Variants in TRMT2B observed in about 807,000 individuals in gnomAD.
TRMT2B encodes the protein tRNA (uracil-5-)-methyltransferase homolog B.
In TRMT2B, 34 loss-of-function variants were observed where a neutral mutation model predicts 39.7. The observed-to-expected ratio is 0.86, with a 90% CI of 0.65 to 1.14. The LOEUF is 1.14. TRMT2B is among the 50% of genes most tolerant of loss of function. The probability of loss-of-function intolerance (pLI) is 0.00; values close to 1 mark genes in which losing one functional copy is unlikely to be tolerated. For synonymous variants in TRMT2B, 132 were observed against 137.3 expected, an observed-to-expected ratio of 0.96 and a Z score of 0.27; for missense variants, 318 against 377.2, an observed-to-expected ratio of 0.84 and a Z score of 1.30.
intron 10 of TRMT2B, 47 bp downstream of exon 10, chrX:101,021,054 C>G (rs750405575): frequency 8.7e-7 from 1 of 1,149,434 alleles, no homozygotes; most frequent in Non-Finnish European, 1.2e-6. Context: ...CTACAAGGGC[C>G]TTGGGAGCTG....
intron 5 of TRMT2B, 40 bp downstream of exon 5, chrX:101,037,877 G>A: frequency 8.5e-7 from 1 of 1,180,734 alleles, no homozygotes; most frequent in East Asian, 3.0e-5. Context: ...TTAGCATTAA[G>A]GGGCCTTAAT....
chrX:100,995,167 C>T, the TRMT2B span, among the ~76,000 whole-genome samples: 1 of 111,430 alleles, frequency 9.0e-6, no homozygotes, highest in South Asian at 3.8e-4. Context: ...TATTGGAAGA[C>T]CAAAACTTAA....
intron 10 of TRMT2B, among the ~76,000 whole-genome samples, 175 bp from the exon 11 acceptor site, chrX:101,020,763 G>A (rs973094379): frequency 1.8e-5 from 2 of 111,776 alleles, no homozygotes; most frequent in Admixed American, 9.6e-5. Flanking sequence ...TCGACCTCCC[G>A]GGCTAAAGCA....
At chrX:100,986,802 A>G in the TRMT2B span, 23 of 1,190,824 alleles carry the variant, frequency 1.9e-5, no homozygotes, top group Non-Finnish European at 2.6e-5. Flanking sequence ...TTAGTTTAGC[A>G]AACAAACAAG....
chrX:100,994,216 TTC>T, the TRMT2B span, among the ~76,000 whole-genome samples: 1 of 111,988 alleles, frequency 8.9e-6, no homozygotes, highest in African/African-American at 3.2e-5. Context: ...ACAAATCTCT[TTC>T]TCAGTGGGGC....
chrX:101,029,177 G>A (rs1047921850), intron 7 of TRMT2B, among the ~76,000 whole-genome samples: 3 of 111,043 alleles, frequency 2.7e-5, no homozygotes, highest in Admixed American at 9.8e-5. Flanking sequence ...TCATCTTGGG[G>A]TCTTTGCAAT....
At chrX:100,987,920 T>A in the TRMT2B span, among the ~76,000 whole-genome samples, 6 of 112,025 alleles carry the variant, frequency 5.4e-5, no homozygotes, top group Non-Finnish European at 9.4e-5. Context: ...ATAAATGCCA[T>A]GAACCTACTC....
intron 3 of TRMT2B, 37 bp downstream of exon 3, chrX:101,042,004 GA>G (rs2088265141): frequency 1.7e-6 from 2 of 1,196,478 alleles, no homozygotes; most frequent in Non-Finnish European, 2.3e-6. Flanking sequence ...TACAGATTGA[GA>G]CCTGCTAAGG....
chrX:101,043,393 A>G (rs1309885793), intron 2 of TRMT2B, among the ~76,000 whole-genome samples: 1 of 111,717 alleles, frequency 9.0e-6, no homozygotes, highest in African/African-American at 3.3e-5. Context: ...AACATGGTGA[A>G]ACCCCGTCTC....
chrX:101,029,885 G>A (rs1474509947), intron 7 of TRMT2B, among the ~76,000 whole-genome samples: 1 of 111,703 alleles, frequency 9.0e-6, no homozygotes, highest in Admixed American at 9.7e-5. Context: ...ACACCTAAAG[G>A]TGCAAAATAC....
At chrX:101,018,067 T>TA (rs950854896) in intron 13 of TRMT2B, among the ~76,000 whole-genome samples, 24 of 110,581 alleles carry the variant, frequency 2.2e-4, no homozygotes, top group African/African-American at 6.9e-4. Flanking sequence ...TTCGTCTCTA[T>TA]AAAAAAATCA....
At position 101,009,549 on chromosome X, in the gene TRMT2B, T is replaced by C. The variant is rs1385211752; in HGVS notation, c.*1032A>G. ...AGGGATAACTACATTTTCTTTTTTTTTTTTTTTTTGAGATGGTGTCTCACT... is the reference window on the plus strand; with the variant it reads ...AGGGATAACTACATTTTCTTTTTTTCTTTTTTTTTGAGATGGTGTCTCACT... On this transcript the variant is annotated 3_prime_UTR_variant, in exon 14 of 14. Coordinates refer to ENST00000372936, the MANE Select transcript of TRMT2B (RefSeq NM_024917.6). 1.0e-5 allele frequency: 1 copy of C among 100,227 alleles called. No homozygotes were observed. The highest frequency in any genetic ancestry group is 2.0e-5 in the Non-Finnish European group (1 of 49,542). The allele number at this position is 100,227 out of a possible 1,213,427, so 8.3% of individuals were successfully genotyped here.
chrX:100,988,179 C>T, the TRMT2B span: 26 of 1,189,832 alleles, frequency 2.2e-5, 1 homozygote, highest in Admixed American at 4.9e-4. Flanking sequence ...GCTGTCCTTT[C>T]CATCTTCCAC....
intron 7 of TRMT2B, among the ~76,000 whole-genome samples, chrX:101,035,192 A>AAAAG (rs773783915): frequency 1.8e-5 from 2 of 111,389 alleles, no homozygotes; most frequent in African/African-American, 6.5e-5. Flanking sequence ...AGAAAGAAAG[A>AAAAG]AAAGAAAGAA....
chrX:101,020,603 G>A lies in TRMT2B; in HGVS notation c.1067-15C>T, dbSNP rs1449345940. ...GCCAATCACACCTGAAGAAGTAAACGAGAAGAAGAAGAAGGCATTTTAGGG... is the reference window on the plus strand; with the variant it reads ...GCCAATCACACCTGAAGAAGTAAACAAGAAGAAGAAGAAGGCATTTTAGGG... On this transcript the variant is annotated splice_polypyrimidine_tract_variant and intron_variant, in intron 10 of 13. Transcript: ENST00000372936. 7 of 1,136,813 alleles carry A rather than the reference G, an allele frequency of 6.2e-6. No individual in the cohort carries two copies. Among genetic ancestry groups the A allele is most frequent in the African/African-American group, 3.6e-5 (2 of 55,687 alleles). The allele number at this position is 1,136,813 out of a possible 1,213,427, so 93.7% of individuals were successfully genotyped here. A position where few individuals can be genotyped will look rare whatever the true frequency, so the allele number is the denominator to read the frequency against.
chrX:100,996,406 C>T, the TRMT2B span, among the ~76,000 whole-genome samples: 1 of 112,107 alleles, frequency 8.9e-6, no homozygotes, highest in Non-Finnish European at 1.9e-5. Context: ...TATTTCAAAA[C>T]AGCTAGAAGA....
the TRMT2B span, among the ~76,000 whole-genome samples, chrX:100,986,099 T>G: frequency 9.0e-6 from 1 of 111,283 alleles, no homozygotes; most frequent in Non-Finnish European, 1.9e-5. Flanking sequence ...TACCACACAC[T>G]GCCATGGGGG....
chrX:100,981,613 G>A, the TRMT2B span, among the ~76,000 whole-genome samples: 1 of 105,822 alleles, frequency 9.4e-6, no homozygotes, highest in Non-Finnish European at 1.9e-5. Flanking sequence ...AGACCAGCCT[G>A]GGCAACATGC....
intron 13 of TRMT2B, among the ~76,000 whole-genome samples, chrX:101,016,642 G>GTGT (rs760927979): frequency 1.4e-3 from 82 of 57,581 alleles, no homozygotes; most frequent in South Asian, 3.5e-3. Context: ...AATTTTCGTG[G>GTGT]TTTTTTTTTT....
Sources: allele counts gnomAD v4.1 joint callset (sites outside exome capture counted in the v4.1 genomes callset), GRCh38; gene constraint gnomAD v4.1.1; transcripts MANE v1.5; gene names NCBI Gene and HGNC (gene_info 2026-07-23, HGNC 2026-07-21).